KCND3: variants seen among roughly 807,000 people sequenced by gnomAD.
KCND3 encodes potassium voltage-gated channel subfamily D member 3, also known as A-type voltage-gated potassium channel KCND3.
Under a neutral mutation model 51.1 loss-of-function variants are expected in KCND3, and 9 were observed. The ratio of observed to expected loss-of-function variants is 0.18; its 90% confidence interval spans 0.11 to 0.31. The LOEUF (loss-of-function observed/expected upper bound fraction) is 0.31. Ranked by LOEUF, KCND3 falls within the 10% of genes least tolerant of loss-of-function variation. The pLI is 1.00. For missense variants in KCND3, 526 were observed against 903.8 expected (o/e 0.58, Z 5.36); for synonymous variants, 349 against 368.0 (o/e 0.95, Z 0.59).
At chr1:111,784,711 G>A (rs909118442) in intron 3 of KCND3, among the ~76,000 whole-genome samples, 1 of 152,076 alleles carries the variant, frequency 6.6e-6, no homozygotes, top group African/African-American at 2.4e-5. Flanking sequence ...CCTCTTATAG[G>A]AAGCCCAAGG....
chr1:111,785,148 C>T (rs1180793523), intron 3 of KCND3, among the ~76,000 whole-genome samples: 1 of 152,186 alleles, frequency 6.6e-6, no homozygotes, highest in Non-Finnish European at 1.5e-5. Flanking sequence ...GGTGTGTGCA[C>T]AGCCGTGGGC....
intron 2 of KCND3, among the ~76,000 whole-genome samples, chr1:111,808,100 A>G (rs56910805): frequency 0.082 from 12,445 of 152,258 alleles, 885 homozygotes; most frequent in African/African-American, 0.18. Flanking sequence ...TGCACTGTAG[A>G]TTAGAAGGAA....
At chr1:111,840,737 G>T (rs1031971565) in intron 2 of KCND3, among the ~76,000 whole-genome samples, 11 of 152,094 alleles carry the variant, frequency 7.2e-5, no homozygotes, top group Non-Finnish European at 1.5e-4. Flanking sequence ...CTGCTCCATT[G>T]TGCTCTGTAG....
At chr1:111,888,146 G>C (rs1266240262) in intron 2 of KCND3, among the ~76,000 whole-genome samples, 1 of 152,250 alleles carries the variant, frequency 6.6e-6, no homozygotes, top group Non-Finnish European at 1.5e-5. Context: ...TGTGGGGTGG[G>C]AGGGAAGAGG....
chr1:111,961,684 A>G (rs1673668944), intron 2 of KCND3, among the ~76,000 whole-genome samples: 1 of 152,072 alleles, frequency 6.6e-6, no homozygotes. Context: ...GGAACTGGGT[A>G]TTTTAAGGGA....
At chr1:111,930,679 A>C (rs1196259010) in intron 2 of KCND3, among the ~76,000 whole-genome samples, 1 of 149,980 alleles carries the variant, frequency 6.7e-6, no homozygotes, top group South Asian at 2.1e-4. Flanking sequence ...AAAAAAAGGC[A>C]TCTTGGCTTA....
chr1:111,842,559 C>T (rs776615024), intron 2 of KCND3, among the ~76,000 whole-genome samples: 46 of 152,110 alleles, frequency 3.0e-4, no homozygotes, highest in Non-Finnish European at 1.6e-4. Flanking sequence ...GACTAGTGAG[C>T]AGGGGTGGAA....
At chr1:111,809,458 A>T (rs1005655631) in intron 2 of KCND3, among the ~76,000 whole-genome samples, 1 of 151,860 alleles carries the variant, frequency 6.6e-6, no homozygotes, top group South Asian at 2.1e-4. Context: ...ACAGGCGCCC[A>T]CCACCACACC....
At chr1:111,885,831 C>A (rs2101749145) in intron 2 of KCND3, among the ~76,000 whole-genome samples, 1 of 152,242 alleles carries the variant, frequency 6.6e-6, no homozygotes, top group South Asian at 2.1e-4. Context: ...TGCCACCATG[C>A]CCAGCTAATT....
intron 2 of KCND3, among the ~76,000 whole-genome samples, chr1:111,820,088 T>G (rs892960785): frequency 6.6e-6 from 1 of 152,256 alleles, no homozygotes; most frequent in Non-Finnish European, 1.5e-5. Context: ...CAACTCCTCA[T>G]GCTCTGTGGT....
intron 2 of KCND3, among the ~76,000 whole-genome samples, chr1:111,801,745 C>T (rs631037): frequency 0.18 from 27,071 of 152,188 alleles, 2,440 homozygotes; most frequent in Admixed American, 0.22. Context: ...CTGGCATTCC[C>T]CACGCTGTGC....
chr1:111,793,466 C>T (rs943288765), intron 2 of KCND3, among the ~76,000 whole-genome samples: 4 of 149,192 alleles, frequency 2.7e-5, no homozygotes, highest in South Asian at 2.1e-4. Flanking sequence ...CGTGAGCCAC[C>T]GCGCCCGGCC....
chr1:111,829,265 G>T (rs899273077), intron 2 of KCND3, among the ~76,000 whole-genome samples: 5 of 152,214 alleles, frequency 3.3e-5, no homozygotes, highest in African/African-American at 1.2e-4. Context: ...CTTGAAGAAT[G>T]AGTAGGAATT....
chr1:111,958,094 C>T (rs944904308), intron 2 of KCND3, among the ~76,000 whole-genome samples: 1 of 152,144 alleles, frequency 6.6e-6, no homozygotes, highest in Non-Finnish European at 1.5e-5. Context: ...GCCCTAGGGA[C>T]CCTGCCCAGT....
chr1:111,975,524 G>A (rs905062722), intron 2 of KCND3, among the ~76,000 whole-genome samples: 4 of 152,144 alleles, frequency 2.6e-5, no homozygotes, highest in African/African-American at 9.7e-5. Flanking sequence ...CTCAGTCCCA[G>A]CCACCTTGAT....
Position 111,981,276 on chromosome 1 carries a change from C to A in KCND3, c.1106+345G>T, listed in dbSNP as rs1674932240. On this transcript the variant is annotated intron_variant, in intron 2 of 7. Coordinates refer to ENST00000302127, the MANE Select transcript of KCND3 (RefSeq NM_001378969.1). The surrounding 1 kb of genome is among the most constrained non-coding windows in gnomAD (Gnocchi z 6.2). ...CAACTGCCCTGACCTTCTCCCCACG[C>A]TGCCCCATATGCGCAAATGCATATA... 6.6e-6 allele frequency among the ~76,000 whole-genome samples: 1 copy of A among 152,174 alleles called. No individual in the cohort carries two copies. The highest frequency in any genetic ancestry group is 1.5e-5 in the Non-Finnish European group (1 of 68,044).
rs920765757 is a variant in KCND3, at chr1:111,771,951, T to G, written c.*4126A>C. 3.3e-5 allele frequency: 5 copies of G among 152,162 alleles called. No individual in the cohort carries two copies. The highest frequency in any genetic ancestry group is 5.9e-5 in the Non-Finnish European group (4 of 68,026). 9.4% of individuals were successfully genotyped at this position (152,162 alleles called of 1,614,324 possible). A position where few individuals can be genotyped will look rare whatever the true frequency, so the allele number is the denominator to read the frequency against. On this transcript the variant is annotated 3_prime_UTR_variant, in exon 8 of 8. Transcript: ENST00000302127. ...TTCACGGTGGTTCTGAATTGAATAC[T>G]TCCCTCCCCCACGTCACCACCCTGG... is the stretch of plus-strand genomic sequence containing the variant.
intron 2 of KCND3, among the ~76,000 whole-genome samples, chr1:111,962,350 A>T (rs1208939309): frequency 2.0e-5 from 3 of 152,226 alleles, no homozygotes; most frequent in East Asian, 3.9e-4. Flanking sequence ...CGGGCAGCAC[A>T]GGGCGCTGCT....
chr1:111,956,201 CA>C (rs1342267707), intron 2 of KCND3, among the ~76,000 whole-genome samples: 1 of 152,042 alleles, frequency 6.6e-6, no homozygotes, highest in African/African-American at 2.4e-5. Flanking sequence ...GGGGAGGCTG[CA>C]CTTGAGCTGA....
Sources: gnomAD v4.1 joint callset for allele counts (sites outside exome capture counted in the v4.1 genomes callset) on GRCh38, gnomAD v4.1.1 for gene constraint, Gnocchi (gnomAD v3.1) non-coding constraint, MANE v1.5 for transcripts, NCBI Gene and HGNC (gene_info 2026-07-23, HGNC 2026-07-21) for gene names.